The following LUZP2 variants were observed in gnomAD, a reference collection of about 807,000 sequenced individuals.
The protein encoded by LUZP2 is leucine zipper protein 2.
Under a neutral mutation model 51.6 loss-of-function variants are expected in LUZP2, and 52 were observed. That is an observed-to-expected ratio of 1.01 (90% CI 0.81 to 1.27). LUZP2 has a LOEUF of 1.27. LUZP2 is among the 50% of genes most tolerant of loss of function. The probability of loss-of-function intolerance (pLI) is 0.00; values close to 1 mark genes in which losing one functional copy is unlikely to be tolerated. For missense variants in LUZP2, 436 were observed against 395.4 expected, an observed-to-expected ratio of 1.10 and a Z score of -0.87; for synonymous variants, 154 against 137.3, an observed-to-expected ratio of 1.12 and a Z score of -0.85.
rs139763132 is a variant in LUZP2 at position 25,068,667 on chromosome 11, A to G, written c.859-8662A>G. 7.2e-5 allele frequency among the ~76,000 whole-genome samples: 11 copies of G among 152,142 alleles called. 1 individual carries two copies. The East Asian group carries it at 2.1e-3, about 29-fold the overall frequency. On this transcript the variant is annotated intron_variant, in intron 10 of 11. Transcript: ENST00000336930. Reference sequence around the variant, plus strand: ...TAAATCTCTTTAGATTCCAACACAGAGAACGCATTGACTTCTTAGAAACAT... The same window carrying G: ...TAAATCTCTTTAGATTCCAACACAGGGAACGCATTGACTTCTTAGAAACAT...
intron 5 of LUZP2, among the ~76,000 whole-genome samples, chr11:24,876,933 C>A (rs1311581732): frequency 6.6e-6 from 1 of 152,116 alleles, no homozygotes; most frequent in Non-Finnish European, 1.5e-5. Context: ...GGGTCTGGTT[C>A]TTAACACCTT....
Position 25,081,824 on chromosome 11 carries a change from G to T in LUZP2, c.*3166G>T, listed in dbSNP as rs1490637433. ...TTTACATTTTGAAAAACATGGAATT[G>T]ATTCTTATTAAGAAAAAAGATATTT... is the stretch of plus-strand genomic sequence containing the variant. On this transcript the variant is annotated 3_prime_UTR_variant, in exon 12 of 12. Transcript: ENST00000336930. The T allele has an allele frequency of 2.0e-5, 3 of 152,080 alleles. No individual in the cohort carries two copies. Among genetic ancestry groups the T allele is most frequent in the African/African-American group, 7.2e-5 (3 of 41,422 alleles). The allele number at this position is 152,080 out of a possible 1,614,324, so 9.4% of individuals were successfully genotyped here. A position where few individuals can be genotyped will look rare whatever the true frequency, so the allele number is the denominator to read the frequency against.
intron 9 of LUZP2, among the ~76,000 whole-genome samples, chr11:25,032,871 A>T (rs1418606830): frequency 6.6e-6 from 1 of 152,198 alleles, no homozygotes; most frequent in Non-Finnish European, 1.5e-5. Context: ...TTTATTCTGA[A>T]GTTAGATCAA....
At chr11:24,957,612 C>T (rs1038807118) in intron 7 of LUZP2, among the ~76,000 whole-genome samples, 2 of 152,124 alleles carry the variant, frequency 1.3e-5, no homozygotes, top group African/African-American at 2.4e-5. Flanking sequence ...CTTTCTTACT[C>T]AGCTTATTTC....
chr11:24,678,651 G>A (rs1283749781), intron 1 of LUZP2, among the ~76,000 whole-genome samples: 2 of 152,116 alleles, frequency 1.3e-5, no homozygotes, highest in African/African-American at 4.8e-5. Flanking sequence ...AATATCCCAG[G>A]TATCTGACAT....
intron 1 of LUZP2, among the ~76,000 whole-genome samples, chr11:24,533,308 A>G (rs1032177144): frequency 2.0e-5 from 3 of 151,294 alleles, no homozygotes; most frequent in African/African-American, 7.3e-5. Context: ...TTGATCAGCC[A>G]TTCTAAAAGT....
intron 5 of LUZP2, among the ~76,000 whole-genome samples, chr11:24,780,651 C>G (rs905651829): frequency 6.6e-6 from 1 of 152,026 alleles, no homozygotes; most frequent in Admixed American, 6.6e-5. Flanking sequence ...CTCTGTGATA[C>G]CAGACAGGGC....
chr11:24,544,032 G>A (rs1181779396), intron 1 of LUZP2, among the ~76,000 whole-genome samples: 3 of 151,924 alleles, frequency 2.0e-5, no homozygotes, highest in Admixed American at 6.6e-5. Flanking sequence ...TGGAAAAAAA[G>A]CAGCCTTATT....
intron 5 of LUZP2, among the ~76,000 whole-genome samples, chr11:24,900,479 G>A (rs931870413): frequency 2.0e-5 from 3 of 152,134 alleles, no homozygotes; most frequent in Non-Finnish European, 2.9e-5. Context: ...AGACATAAGG[G>A]AACATCCCTG....
intron 1 of LUZP2, among the ~76,000 whole-genome samples, chr11:24,637,490 TG>T (rs1358063168): frequency 1.3e-5 from 2 of 151,898 alleles, no homozygotes; most frequent in Non-Finnish European, 2.9e-5. Flanking sequence ...TGACTGCCTG[TG>T]GGGTCGGGCA....
intron 7 of LUZP2, among the ~76,000 whole-genome samples, chr11:24,953,469 C>T (rs181645117): frequency 6.6e-6 from 1 of 152,044 alleles, no homozygotes; most frequent in Non-Finnish European, 1.5e-5. Flanking sequence ...AATAAACCAC[C>T]AATTTCTGTG....
At chr11:24,549,173 A>AACCTTTTC (rs1343532956) in intron 1 of LUZP2, among the ~76,000 whole-genome samples, 1 of 152,052 alleles carries the variant, frequency 6.6e-6, no homozygotes, top group Admixed American at 6.6e-5. Flanking sequence ...CTTATTTTAT[A>AACCTTTTC]ACCTTTTCCT....
intron 7 of LUZP2, among the ~76,000 whole-genome samples, chr11:24,956,500 G>A: frequency 6.6e-6 from 1 of 152,146 alleles, no homozygotes; most frequent in Non-Finnish European, 1.5e-5. Context: ...TATAAAGAGT[G>A]AGAGAAGGTC....
In LUZP2 at chr11:24,497,283, C is replaced by A. The variant is rs771802037; in HGVS notation, c.40C>A (p.Pro14Thr). ...AGCGCACTACCTGCTGCCTCTCCTG[C>A]CTGCGCTGGTCCTCAGCACCAGGTG... ...SPAHYLLPLL[P>T]ALVLSTRQDY... The change falls in exon 1 of 12, where the codon CCT becomes ACT. Residue 14 changes from proline (P) to threonine (T), a missense_variant. By Grantham distance (38) the Pro-to-Thr change is conservative. Transcript: ENST00000336930. The A allele has an allele frequency of 6.4e-7, 1 of 1,566,942 alleles. No individual in the cohort carries two copies. Among genetic ancestry groups the A allele is most frequent in the East Asian group, 2.5e-5 (1 of 40,004 alleles).
intron 1 of LUZP2, among the ~76,000 whole-genome samples, chr11:24,507,550 G>T (rs948722492): frequency 2.6e-5 from 4 of 152,026 alleles, no homozygotes; most frequent in Non-Finnish European, 5.9e-5. Flanking sequence ...GGATTTATCA[G>T]GGGGCATAGT....
chr11:25,072,841 T>C (rs1859195326), intron 10 of LUZP2, among the ~76,000 whole-genome samples: 1 of 152,098 alleles, frequency 6.6e-6, no homozygotes, highest in Non-Finnish European at 1.5e-5. Flanking sequence ...CACAATTTGG[T>C]GTCATCTTGA....
chr11:24,736,874 A>T (rs897890715), intron 3 of LUZP2, among the ~76,000 whole-genome samples: 8 of 152,084 alleles, frequency 5.3e-5, no homozygotes, highest in Non-Finnish European at 1.0e-4. Flanking sequence ...GGCATAAATC[A>T]TTTAAAAACC....
intron 1 of LUZP2, among the ~76,000 whole-genome samples, chr11:24,667,878 A>G (rs892433810): frequency 6.6e-6 from 1 of 152,216 alleles, no homozygotes; most frequent in African/African-American, 2.4e-5. Flanking sequence ...CCTTTCAGAG[A>G]AATAAATTAT....
chr11:24,903,047 G>T (rs188300867), intron 5 of LUZP2, among the ~76,000 whole-genome samples: 358 of 152,206 alleles, frequency 2.4e-3, no homozygotes, highest in African/African-American at 7.9e-3. Flanking sequence ...TTTCTTAGGT[G>T]TGAGTGGTTT....
Sources: allele counts gnomAD v4.1 joint callset (sites outside exome capture counted in the v4.1 genomes callset), GRCh38; gene constraint gnomAD v4.1.1; transcripts MANE v1.5; gene names NCBI Gene and HGNC (gene_info 2026-07-23, HGNC 2026-07-21).